RALYL: variants seen among roughly 807,000 people sequenced by gnomAD.
RALYL encodes the protein RNA-binding Raly-like protein.
Under a neutral mutation model 35.1 loss-of-function variants are expected in RALYL, and 29 were observed. That is an observed-to-expected ratio of 0.83 (90% CI 0.61 to 1.13). The LOEUF (loss-of-function observed/expected upper bound fraction) is 1.13, where lower values mean the gene tolerates loss of function less well. Ranked by LOEUF, RALYL falls within the 50% of genes most tolerant of loss-of-function variation. The pLI is 0.00. For synonymous variants in RALYL, 120 were observed against 127.6 expected (o/e 0.94, Z 0.40); for missense variants, 359 against 360.4 (o/e 1.00, Z 0.03).
At chr8:84,323,966 C>A (rs749407019) in intron 1 of RALYL, among the ~76,000 whole-genome samples, 2 of 152,058 alleles carry the variant, frequency 1.3e-5, no homozygotes, top group African/African-American at 4.8e-5. Flanking sequence ...TAAATGTTTT[C>A]TTTTTGAGTC....
At chr8:84,441,599 A>G (rs922213960) in intron 1 of RALYL, among the ~76,000 whole-genome samples, 2 of 152,114 alleles carry the variant, frequency 1.3e-5, no homozygotes, top group African/African-American at 4.8e-5. Flanking sequence ...ACGATCATGT[A>G]TTTACATCTG....
intron 2 of RALYL, among the ~76,000 whole-genome samples, chr8:84,611,014 A>G (rs1301916439): frequency 1.3e-5 from 2 of 152,148 alleles, no homozygotes; most frequent in African/African-American, 2.4e-5. Flanking sequence ...TTTCTAAAGG[A>G]GAATGGCATT....
At chr8:84,853,989 A>C (rs1563748675) in intron 5 of RALYL, among the ~76,000 whole-genome samples, 1 of 152,204 alleles carries the variant, frequency 6.6e-6, no homozygotes, top group Non-Finnish European at 1.5e-5. Context: ...AATGATCAGC[A>C]TTATGCCTGG....
chr8:84,208,331 A>G (rs1250084945), intron 1 of RALYL, among the ~76,000 whole-genome samples: 1 of 152,198 alleles, frequency 6.6e-6, no homozygotes, highest in Non-Finnish European at 1.5e-5. Flanking sequence ...CTTTGTGTCT[A>G]AGTATATCGG....
rs1587656659 is a variant in RALYL, at chr8:84,478,922, T to TAAAAAAA, written c.-23-50372_-23-50371insAAAAAAA. Among the ~76,000 whole-genome samples the TAAAAAAA allele has an allele frequency of 1.2e-4, 10 of 85,254 alleles. 4 individuals are homozygous for TAAAAAAA. Among genetic ancestry groups the TAAAAAAA allele is most frequent in the Admixed American group, 3.9e-4 (3 of 7,662 alleles). The allele number at this position is 85,254 out of a possible 152,430, so 55.9% of individuals were successfully genotyped here. ...TAACACCGTGAAACCCCGTCTCTAC[T>TAAAAAAA]AAAAATACAAAACATTAGCCGGGCA... On this transcript the variant is annotated intron_variant, in intron 1 of 8. Transcript: ENST00000521268.
At chr8:84,451,386 A>G (rs1563954230) in intron 1 of RALYL, among the ~76,000 whole-genome samples, 2 of 151,984 alleles carry the variant, frequency 1.3e-5, no homozygotes, top group Non-Finnish European at 2.9e-5. Context: ...CCCAATTCTG[A>G]TGACTGTAAT....
intron 2 of RALYL, among the ~76,000 whole-genome samples, chr8:84,611,338 T>C (rs1818265370): frequency 6.6e-6 from 1 of 152,146 alleles, no homozygotes; most frequent in South Asian, 2.1e-4. Flanking sequence ...ATTTTTCCCA[T>C]TTACCTAACC....
chr8:84,776,550 G>A (rs904016740), intron 3 of RALYL, among the ~76,000 whole-genome samples: 2 of 152,104 alleles, frequency 1.3e-5, no homozygotes, highest in Non-Finnish European at 2.9e-5. Flanking sequence ...TTATAAAACC[G>A]AGAAATTTTT....
At chr8:84,396,985 G>A (rs1861879296) in intron 1 of RALYL, among the ~76,000 whole-genome samples, 1 of 151,920 alleles carries the variant, frequency 6.6e-6, no homozygotes, top group African/African-American at 2.4e-5. Context: ...ATGGCAATAG[G>A]GACTTAGCTA....
intron 1 of RALYL, among the ~76,000 whole-genome samples, chr8:84,373,005 C>CT (rs1165906051): frequency 6.9e-6 from 1 of 144,796 alleles, no homozygotes; most frequent in Non-Finnish European, 1.5e-5. Flanking sequence ...TTATATTGAG[C>CT]TTTTTTTCAT....
At chr8:84,721,211 A>T (rs920488489) in intron 2 of RALYL, among the ~76,000 whole-genome samples, 4 of 151,584 alleles carry the variant, frequency 2.6e-5, no homozygotes, top group Non-Finnish European at 5.9e-5. Context: ...CTATTAAAAA[A>T]AAAAAGAAAG....
chr8:84,660,066 T>A (rs1396235435), intron 2 of RALYL, among the ~76,000 whole-genome samples: 1 of 152,104 alleles, frequency 6.6e-6, no homozygotes, highest in African/African-American at 2.4e-5. Flanking sequence ...CCACGAATAT[T>A]TGGTAGGTGG....
rs1380466936 is a variant in RALYL, at chr8:84,574,617, TATC to T, written c.256+45043_256+45045del. Among the ~76,000 whole-genome samples, 9 of 152,234 alleles carry T rather than the reference TATC, an allele frequency of 5.9e-5. No homozygotes were observed. In the South Asian group the frequency reaches 1.9e-3, roughly 32 times the overall value. ...AAATCCTGGCAGAAAGCTTGGATGATATCATAGGACATACCTCACATGTTTCTT... is the reference window on the plus strand; with the variant it reads ...AAATCCTGGCAGAAAGCTTGGATGATATAGGACATACCTCACATGTTTCTT... On this transcript the variant is annotated intron_variant, in intron 2 of 8. Transcript: ENST00000521268.
Position 84,873,408 on chromosome 8 carries a change from T to A in RALYL, c.685+11T>A. 6.7e-7 allele frequency: 1 copy of A among 1,491,554 alleles called. No homozygotes were observed. The highest frequency in any genetic ancestry group is 9.2e-7 in the Non-Finnish European group (1 of 1,081,268). The allele number at this position is 1,491,554 out of a possible 1,614,324, so 92.4% of individuals were successfully genotyped here. On this transcript the variant is annotated intron_variant, in intron 7 of 8. Coordinates refer to ENST00000521268, the MANE Select transcript of RALYL (RefSeq NM_173848.7). ...AGAAGGCGGAGGCAGGTAAGTGATC[T>A]CTGATCACAGACAGGTCAGAATTGA...
chr8:84,852,257 T>A (rs1459037545), intron 5 of RALYL, among the ~76,000 whole-genome samples: 2 of 152,202 alleles, frequency 1.3e-5, no homozygotes, highest in African/African-American at 4.8e-5. Flanking sequence ...AAGCAACTTA[T>A]TTCACTAGTT....
chr8:84,677,499 A>G (rs918131429), intron 2 of RALYL, among the ~76,000 whole-genome samples: 1 of 152,184 alleles, frequency 6.6e-6, no homozygotes, highest in Non-Finnish European at 1.5e-5. Context: ...TAATTTGCCT[A>G]TTTCTTAATG....
intron 1 of RALYL, among the ~76,000 whole-genome samples, chr8:84,361,598 A>C (rs1226698349): frequency 1.3e-5 from 2 of 152,188 alleles, no homozygotes; most frequent in Non-Finnish European, 2.9e-5. Context: ...TTTTGTTTTT[A>C]ATCTAGTGAT....
chr8:84,469,711 G>A (rs752259759), intron 1 of RALYL, among the ~76,000 whole-genome samples: 5 of 152,198 alleles, frequency 3.3e-5, no homozygotes, highest in Non-Finnish European at 5.9e-5. Flanking sequence ...AGCAAGCCTG[G>A]GCAATGGCAG....
intron 2 of RALYL, among the ~76,000 whole-genome samples, chr8:84,743,521 C>T (rs1459720618): frequency 6.6e-6 from 1 of 151,956 alleles, no homozygotes; most frequent in Non-Finnish European, 1.5e-5. Flanking sequence ...AAAGGGTTCT[C>T]ACATTTCAGT....
Sources: gnomAD v4.1 joint callset for allele counts (sites outside exome capture counted in the v4.1 genomes callset) on GRCh38, gnomAD v4.1.1 for gene constraint, MANE v1.5 for transcripts, NCBI Gene and HGNC (gene_info 2026-07-23, HGNC 2026-07-21) for gene names.